The following PTPRD variants were observed in gnomAD, a reference collection of about 807,000 sequenced individuals.
The protein encoded by PTPRD is receptor-type tyrosine-protein phosphatase delta.
Under a neutral mutation model 214.5 loss-of-function variants are expected in PTPRD, and 34 were observed. The ratio of observed to expected loss-of-function variants is 0.16; its 90% confidence interval spans 0.12 to 0.21. The LOEUF (loss-of-function observed/expected upper bound fraction) is 0.21. PTPRD is among the 10% of genes least tolerant of loss of function. The probability of loss-of-function intolerance (pLI) is 1.00; values close to 1 mark genes in which losing one functional copy is unlikely to be tolerated. For synonymous variants in PTPRD, 1,128 were observed against 845.7 expected (o/e 1.33, Z -5.79); for missense variants, 2,545 against 2,398.7 (o/e 1.06, Z -1.27).
chr9:9,646,318 G>GGTGTGTGTGTGTGTGT (rs369865111), intron 7 of PTPRD, among the ~76,000 whole-genome samples: 1 of 137,238 alleles, frequency 7.3e-6, no homozygotes, highest in Non-Finnish European at 1.6e-5. Context: ...TGTGTGTGTG[G>GGTGTGTGTGTGTGTGT]GTGTGTGTGT....
At chr9:8,580,753 G>A (rs1357112308) in intron 14 of PTPRD, among the ~76,000 whole-genome samples, 1 of 152,082 alleles carries the variant, frequency 6.6e-6, no homozygotes, top group Non-Finnish European at 1.5e-5. Context: ...GACAAAAGCA[G>A]CTATTTGTAT....
chr9:8,935,026 C>G (rs865941899), intron 11 of PTPRD, among the ~76,000 whole-genome samples: 3 of 151,986 alleles, frequency 2.0e-5, no homozygotes, highest in Non-Finnish European at 2.9e-5. Flanking sequence ...TATACACACA[C>G]AGAGAGATAT....
chr9:9,103,761 C>T (rs934005828), intron 10 of PTPRD, among the ~76,000 whole-genome samples: 3 of 151,924 alleles, frequency 2.0e-5, no homozygotes, highest in African/African-American at 7.3e-5. Flanking sequence ...TGGGTGGATA[C>T]CTTAAGCCCA....
intron 6 of PTPRD, among the ~76,000 whole-genome samples, chr9:9,750,406 T>C (rs1044609659): frequency 3.3e-5 from 5 of 152,176 alleles, no homozygotes; most frequent in African/African-American, 9.6e-5. Flanking sequence ...CCTCAGCTTA[T>C]ATACAAACCA....
intron 10 of PTPRD, among the ~76,000 whole-genome samples, chr9:9,019,304 GA>G (rs1205930605): frequency 1.2e-5 from 1 of 86,812 alleles, no homozygotes; most frequent in South Asian, 6.1e-4. Context: ...AAGAAAGAAA[GA>G]AAGAAAGAAA....
chr9:10,583,591 C>A (rs1223755252), intron 2 of PTPRD, among the ~76,000 whole-genome samples: 1 of 151,752 alleles, frequency 6.6e-6, no homozygotes, highest in African/African-American at 2.4e-5. Flanking sequence ...AGCTGGGATA[C>A]AGCAAGCCTC....
At chr9:10,302,816 G>A (rs2095907147) in intron 3 of PTPRD, among the ~76,000 whole-genome samples, 1 of 152,236 alleles carries the variant, frequency 6.6e-6, no homozygotes, top group South Asian at 2.1e-4. Flanking sequence ...ATAATAGTGG[G>A]AAACTGTAAC....
intron 11 of PTPRD, among the ~76,000 whole-genome samples, chr9:8,865,974 G>A (rs1428367782): frequency 6.6e-6 from 1 of 152,158 alleles, no homozygotes; most frequent in Non-Finnish European, 1.5e-5. Flanking sequence ...AATTTGATCA[G>A]TTCAGTGGAC....
chr9:9,334,078 G>C (rs1177581460), intron 9 of PTPRD, among the ~76,000 whole-genome samples: 4 of 151,870 alleles, frequency 2.6e-5, no homozygotes, highest in Admixed American at 1.3e-4. Flanking sequence ...AAATGCCTAA[G>C]TGTATATGCC....
chr9:8,750,192 C>T (rs1247869314), intron 11 of PTPRD, among the ~76,000 whole-genome samples: 1 of 152,072 alleles, frequency 6.6e-6, no homozygotes, highest in Non-Finnish European at 1.5e-5. Context: ...GAGTCTCATT[C>T]TATCTCCGAG....
intron 8 of PTPRD, among the ~76,000 whole-genome samples, chr9:9,399,654 CT>C (rs1339603221): frequency 6.6e-6 from 1 of 151,918 alleles, no homozygotes; most frequent in Non-Finnish European, 1.5e-5. Flanking sequence ...GGGGGCGGGT[CT>C]TTCCCATGTG....
chr9:8,905,836 C>G (rs781299214), intron 11 of PTPRD, among the ~76,000 whole-genome samples: 6 of 151,862 alleles, frequency 4.0e-5, no homozygotes, highest in Non-Finnish European at 7.4e-5. Flanking sequence ...CAGGATATTT[C>G]CCAATCCAAC....
intron 2 of PTPRD, among the ~76,000 whole-genome samples, chr9:10,517,577 A>G (rs1299640165): frequency 6.6e-6 from 1 of 152,024 alleles, no homozygotes; most frequent in Non-Finnish European, 1.5e-5. Flanking sequence ...TGTCCAATGT[A>G]ATTTTCAGAA....
chr9:9,247,385 C>CT lies in PTPRD; in HGVS notation c.-202-64023dup, dbSNP rs750934793. The stretch of plus-strand genomic sequence containing the variant: ...TAAGCACAAAATTAGACAGTTTCTT[C>CT]TTGTGTCTTTTAAGTCTTCATTCTG... On this transcript the variant is annotated intron_variant, in intron 9 of 45. Transcript: ENST00000381196. Among the ~76,000 whole-genome samples, 433 of 152,102 alleles carry CT rather than the reference C, an allele frequency of 2.8e-3. 2 individuals are homozygous for CT. Among genetic ancestry groups the CT allele is most frequent in the Non-Finnish European group, 4.9e-3 (335 of 67,974 alleles).
intron 8 of PTPRD, among the ~76,000 whole-genome samples, chr9:9,517,760 T>A (rs1425912619): frequency 6.6e-6 from 1 of 152,038 alleles, no homozygotes; most frequent in Non-Finnish European, 1.5e-5. Context: ...TGGTGCATAT[T>A]AATTGGTAAT....
intron 32 of PTPRD, among the ~76,000 whole-genome samples, chr9:8,461,606 A>AT (rs112467189): frequency 0.019 from 2,660 of 139,256 alleles, 60 homozygotes; most frequent in African/African-American, 0.058. Flanking sequence ...CATTGGTCCT[A>AT]TTTTTTTTTT....
intron 14 of PTPRD, among the ~76,000 whole-genome samples, chr9:8,541,452 A>T (rs1454853652): frequency 2.6e-5 from 4 of 152,102 alleles, no homozygotes; most frequent in African/African-American, 7.2e-5. Flanking sequence ...GCTAGTCTGA[A>T]ACTCCTGAGT....
chr9:9,905,008 A>C (rs1292638981), intron 5 of PTPRD, among the ~76,000 whole-genome samples: 3 of 152,026 alleles, frequency 2.0e-5, no homozygotes, highest in African/African-American at 7.2e-5. Context: ...TAAATATGCA[A>C]ATCAGTGAGG....
chr9:9,891,538 T>A (rs76663989), intron 5 of PTPRD, among the ~76,000 whole-genome samples: 1 of 152,080 alleles, frequency 6.6e-6, no homozygotes, highest in Non-Finnish European at 1.5e-5. Flanking sequence ...ACAACACATA[T>A]GAGCTTATTT....
Sources: gnomAD v4.1 joint callset for allele counts (sites outside exome capture counted in the v4.1 genomes callset) on GRCh38, gnomAD v4.1.1 for gene constraint, MANE v1.5 for transcripts, NCBI Gene and HGNC (gene_info 2026-07-23, HGNC 2026-07-21) for gene names.